TTC39C: variants seen among roughly 807,000 people sequenced by gnomAD.
TTC39C encodes the protein tetratricopeptide repeat protein 39C.
Under a neutral mutation model 76.3 loss-of-function variants are expected in TTC39C, and 33 were observed. The observed-to-expected ratio is 0.43, with a 90% CI of 0.33 to 0.58. The LOEUF is 0.58. Among genes scored for constraint, TTC39C ranks in the 20% least tolerant of loss-of-function variants. TTC39C has a pLI of 0.04. For synonymous variants in TTC39C, 254 were observed against 260.6 expected, an observed-to-expected ratio of 0.97 and a Z score of 0.24; for missense variants, 595 against 701.4, an observed-to-expected ratio of 0.85 and a Z score of 1.71.
intron 3 of TTC39C, among the ~76,000 whole-genome samples, chr18:24,067,340 A>G (rs1463623687): frequency 1.3e-5 from 2 of 152,278 alleles, no homozygotes; most frequent in Admixed American, 1.3e-4. Context: ...GTCAGACACT[A>G]TCCCACTTGT....
intron 1 of TTC39C, among the ~76,000 whole-genome samples, chr18:24,023,819 TCCCCTTTTATGA>T (rs776725543): frequency 0.95 from 141,726 of 149,770 alleles, 67,414 homozygotes; most frequent in East Asian, 1. Context: ...TGCTAACAAT[TCCCCTTTTATGA>T]TTGTAATTCC....
intron 1 of TTC39C, chr18:24,019,867 T>G (rs1349054892): frequency 6.5e-7 from 1 of 1,527,172 alleles, no homozygotes; most frequent in South Asian, 1.2e-5. Context: ...CAGAAAAAGT[T>G]TTTTGACTTC....
At chr18:24,122,797 C>G (rs998683597) in intron 8 of TTC39C, among the ~76,000 whole-genome samples, 1 of 152,086 alleles carries the variant, frequency 6.6e-6, no homozygotes, top group African/African-American at 2.4e-5. Context: ...CTCACTCATT[C>G]CTCAAGACTC....
chr18:24,003,638 T>C (rs2083330213), intron 1 of TTC39C, among the ~76,000 whole-genome samples: 1 of 152,166 alleles, frequency 6.6e-6, no homozygotes, highest in Admixed American at 6.5e-5. Flanking sequence ...GGTGTGCCTA[T>C]GACTATTTTT....
At chr18:24,061,451 G>A (rs114398081) in intron 1 of TTC39C, among the ~76,000 whole-genome samples, 2,298 of 152,006 alleles carry the variant, frequency 0.015, 57 homozygotes, top group African/African-American at 0.052. Context: ...CATAGCACTG[G>A]TTTTGAACCA....
At chr18:24,058,463 T>A (rs1234679614) in intron 1 of TTC39C, among the ~76,000 whole-genome samples, 1 of 152,146 alleles carries the variant, frequency 6.6e-6, no homozygotes, top group African/African-American at 2.4e-5. Flanking sequence ...GAGACCAGCA[T>A]GGTCGACATG....
In TTC39C at chr18:24,045,317, T is replaced by C. The variant is rs1004114782; in HGVS notation, c.168-18823T>C. 4.3e-5 allele frequency among the ~76,000 whole-genome samples: 6 copies of C among 138,910 alleles called. 1 individual carries two copies. In the South Asian group the frequency reaches 1.4e-3, roughly 33 times the overall value. 91.1% of individuals were successfully genotyped at this position (138,910 alleles called of 152,430 possible). ...CGTGTCCAACCCCAGCCCACCTGAG[T>C]GAGAATCTGCATTGTAACAAGGGGG... On this transcript the variant is annotated intron_variant, in intron 1 of 13. Coordinates refer to ENST00000317571, the MANE Select transcript of TTC39C (RefSeq NM_001135993.2).
intron 1 of TTC39C, among the ~76,000 whole-genome samples, chr18:24,062,201 C>G (rs2084110127): frequency 6.6e-6 from 1 of 152,192 alleles, no homozygotes; most frequent in Non-Finnish European, 1.5e-5. Flanking sequence ...CTAATTTTAG[C>G]CAAGAATAAG....
chr18:24,108,465 T>C (rs1015459839), intron 6 of TTC39C, among the ~76,000 whole-genome samples: 2 of 152,214 alleles, frequency 1.3e-5, no homozygotes, highest in African/African-American at 4.8e-5. Flanking sequence ...TTTTGCTGGG[T>C]AGCTGAGTTC....
chr18:24,059,707 G>A (rs1599284538), intron 1 of TTC39C, among the ~76,000 whole-genome samples: 2 of 152,276 alleles, frequency 1.3e-5, no homozygotes, highest in Middle Eastern at 3.4e-3. Context: ...ACAATTTATA[G>A]TTTTTTGGGT....
At chr18:24,019,841 ACT>A in intron 1 of TTC39C, 1 of 1,522,208 alleles carries the variant, frequency 6.6e-7, no homozygotes, top group Non-Finnish European at 8.8e-7. Context: ...TAAAATATCT[ACT>A]CTCTGGCCTT....
chr18:24,009,491 T>C (rs2083379547), intron 1 of TTC39C, among the ~76,000 whole-genome samples: 1 of 152,030 alleles, frequency 6.6e-6, no homozygotes, highest in South Asian at 2.1e-4. Context: ...GAGGAAAACT[T>C]GATTATCTCT....
intron 1 of TTC39C, among the ~76,000 whole-genome samples, chr18:24,047,391 C>G (rs1180551964): frequency 6.6e-6 from 1 of 152,114 alleles, no homozygotes; most frequent in Non-Finnish European, 1.5e-5. Context: ...CCGTGCATGG[C>G]CAACATTGAT....
At chr18:24,010,461 G>T (rs2083386117), upstream of TTC39C, among the ~76,000 whole-genome samples, 1 of 152,208 alleles carries the variant, frequency 6.6e-6, no homozygotes, top group South Asian at 2.1e-4. Flanking sequence ...AGCAACCCTT[G>T]ACCTGATTTG....
At chr18:24,022,225 G>A (rs936109059) in intron 1 of TTC39C, among the ~76,000 whole-genome samples, 2 of 150,900 alleles carry the variant, frequency 1.3e-5, no homozygotes, top group African/African-American at 4.9e-5. Flanking sequence ...ATCCCCCATG[G>A]ATACTGAGGG....
intron 10 of TTC39C, among the ~76,000 whole-genome samples, chr18:24,128,523 C>T (rs184120732): frequency 1.3e-5 from 2 of 152,034 alleles, no homozygotes; most frequent in African/African-American, 4.8e-5. Flanking sequence ...TCCTTTCTTC[C>T]TCATCAGCTC....
At chr18:23,996,685 G>A (rs1444938790) in intron 1 of TTC39C, among the ~76,000 whole-genome samples, 2 of 152,198 alleles carry the variant, frequency 1.3e-5, no homozygotes, top group African/African-American at 4.8e-5. Flanking sequence ...GGACTTTTGA[G>A]GATGAGGCCT....
rs931168034 is a variant in TTC39C, at chr18:24,130,309, T to C, written c.1519-4T>C. On this transcript the variant is annotated splice_polypyrimidine_tract_variant and splice_region_variant and intron_variant, in intron 11 of 13. Coordinates refer to ENST00000317571, the MANE Select transcript of TTC39C (RefSeq NM_001135993.2). The stretch of plus-strand genomic sequence containing the variant: ...TCATCCAATAACATTTGCATTCCTT[T>C]CAGTACTTCCAGCGAGCTGTTAAAG... 5.9e-6 allele frequency: 9 copies of C among 1,520,264 alleles called. No individual in the cohort carries two copies. The highest frequency in any genetic ancestry group is 7.2e-6 in the Non-Finnish European group (8 of 1,110,604). The allele number at this position is 1,520,264 out of a possible 1,614,324, so 94.2% of individuals were successfully genotyped here.
chr18:24,112,458 A>G (rs1235236645), intron 6 of TTC39C, among the ~76,000 whole-genome samples: 2 of 152,226 alleles, frequency 1.3e-5, no homozygotes, highest in East Asian at 3.8e-4. Context: ...CGCAAATGGA[A>G]TTAATACATA....
Sources: allele counts gnomAD v4.1 joint callset (sites outside exome capture counted in the v4.1 genomes callset), GRCh38; gene constraint gnomAD v4.1.1; transcripts MANE v1.5; gene names NCBI Gene and HGNC (gene_info 2026-07-23, HGNC 2026-07-21).